TRPC4AP: variants seen among roughly 807,000 people sequenced by gnomAD.
The protein encoded by TRPC4AP is short transient receptor potential channel 4-associated protein.
Under a neutral mutation model 99.0 loss-of-function variants are expected in TRPC4AP, and 45 were observed. The observed-to-expected ratio is 0.45, with a 90% CI of 0.36 to 0.58. The LOEUF (loss-of-function observed/expected upper bound fraction) is 0.58, where lower values mean the gene tolerates loss of function less well. TRPC4AP is among the 20% of genes least tolerant of loss of function. The probability of loss-of-function intolerance (pLI) is 0.00; values close to 1 mark genes in which losing one functional copy is unlikely to be tolerated. For missense variants in TRPC4AP, 879 were observed against 985.3 expected (o/e 0.89, Z 1.44); for synonymous variants, 408 against 385.8 (o/e 1.06, Z -0.67).
In TRPC4AP at chr20:35,032,045, A is replaced by G. The variant is rs1428343562; in HGVS notation, c.1051+3078T>C. Among the ~76,000 whole-genome samples the G allele has an allele frequency of 2.0e-5, 3 of 152,146 alleles. No individual in the cohort carries two copies. The East Asian group carries it at 5.8e-4, about 29-fold the overall frequency. On this transcript the variant is annotated intron_variant, in intron 8 of 18. Transcript: ENST00000252015. ...GCTGGGATTCCAGGTGTGCACCACC[A>G]TGGCCATCTAGCTTTTGTATTTTTA...
rs751548252 is a variant in TRPC4AP, at chr20:35,007,537, C to T, written c.1686+13G>A. The T allele has an allele frequency of 6.2e-7, 1 of 1,613,142 alleles. No individual in the cohort carries two copies. On this transcript the variant is annotated intron_variant, in intron 14 of 18. Transcript: ENST00000252015. The stretch of plus-strand genomic sequence containing the variant: ...GAGACGGAACCCAAGACACTGGCTG[C>T]TCCAGATCATACCTCCAAGAGGCCT...
intron 9 of TRPC4AP, among the ~76,000 whole-genome samples, chr20:35,017,733 C>T (rs2082787431): frequency 6.6e-6 from 1 of 152,168 alleles, no homozygotes; most frequent in South Asian, 2.1e-4. Context: ...CAAAGACATC[C>T]CTGGCAGCCT....
At chr20:35,070,213 A>G (rs780940591) in intron 2 of TRPC4AP, among the ~76,000 whole-genome samples, 20 of 152,198 alleles carry the variant, frequency 1.3e-4, no homozygotes, top group Admixed American at 1.0e-3. Context: ...TGACAGATAA[A>G]TGATTCTTGT....
intron 6 of TRPC4AP, among the ~76,000 whole-genome samples, chr20:35,045,331 G>A (rs1017268630): frequency 1.3e-5 from 2 of 152,094 alleles, no homozygotes; most frequent in African/African-American, 4.8e-5. Flanking sequence ...GATACAAGCA[G>A]CTGATTCAAT....
chr20:35,084,264 G>A (rs1277905362), intron 1 of TRPC4AP, among the ~76,000 whole-genome samples: 1 of 148,546 alleles, frequency 6.7e-6, no homozygotes, highest in African/African-American at 2.5e-5. Flanking sequence ...GCGAGACTCC[G>A]TCCCAAAAAA....
At chr20:35,052,441 GCTACAAA>G (rs1272747045) in intron 5 of TRPC4AP, among the ~76,000 whole-genome samples, 3 of 152,048 alleles carry the variant, frequency 2.0e-5, no homozygotes, top group African/African-American at 7.2e-5. Flanking sequence ...TAAATGAGGA[GCTACAAA>G]CTAGCATCCA....
chr20:35,075,067 C>G (rs2084435158), intron 2 of TRPC4AP, among the ~76,000 whole-genome samples: 1 of 148,198 alleles, frequency 6.7e-6, no homozygotes, highest in Non-Finnish European at 1.5e-5. Flanking sequence ...TTATCAGAGA[C>G]TAGGATTGCA....
intron 3 of TRPC4AP, among the ~76,000 whole-genome samples, chr20:35,065,600 C>T (rs1003663970): frequency 6.6e-6 from 1 of 152,178 alleles, no homozygotes; most frequent in Non-Finnish European, 1.5e-5. Flanking sequence ...AGTTCACTAA[C>T]AAATGCACCC....
At chr20:35,092,419 C>G (rs1025168835) in intron 1 of TRPC4AP, among the ~76,000 whole-genome samples, 195 bp downstream of exon 1, 1 of 152,228 alleles carries the variant, frequency 6.6e-6, no homozygotes, top group Non-Finnish European at 1.5e-5. Context: ...CGGCCCCTGA[C>G]AAGGGACATC....
At chr20:35,015,068 T>C (rs1255020634) in intron 10 of TRPC4AP, among the ~76,000 whole-genome samples, 6 of 152,142 alleles carry the variant, frequency 3.9e-5, no homozygotes, top group African/African-American at 1.4e-4. Flanking sequence ...GGCTTGATCT[T>C]AGTTCACTGC....
intron 3 of TRPC4AP, among the ~76,000 whole-genome samples, chr20:35,058,554 T>C (rs993448416): frequency 2.6e-5 from 4 of 151,982 alleles, no homozygotes; most frequent in Admixed American, 6.6e-5. Flanking sequence ...TAAATAATAA[T>C]GGGCCAAAGA....
At chr20:35,025,055 C>A (rs892471220) in intron 8 of TRPC4AP, among the ~76,000 whole-genome samples, 1 of 152,056 alleles carries the variant, frequency 6.6e-6, no homozygotes, top group African/African-American at 2.4e-5. Flanking sequence ...CTGCTAGACT[C>A]TTTTCTAAAG....
chr20:35,092,804 A>G lies in TRPC4AP; in HGVS notation c.-23T>C, dbSNP rs777427427. 47 of 1,500,812 alleles carry G rather than the reference A, an allele frequency of 3.1e-5. No homozygotes were observed. The South Asian group carries it at 5.8e-4, about 18-fold the overall frequency. The allele number at this position is 1,500,812 out of a possible 1,614,324, so 93.0% of individuals were successfully genotyped here. The stretch of plus-strand genomic sequence containing the variant: ...CATGTCTCCTCGTCGGACAAACAGG[A>G]AGCAAGCGGCCTCGGGGCCGCGGAG... On this transcript the variant is annotated 5_prime_UTR_variant, in exon 1 of 19. Coordinates refer to ENST00000252015, the MANE Select transcript of TRPC4AP (RefSeq NM_015638.3).
intron 1 of TRPC4AP, among the ~76,000 whole-genome samples, chr20:35,089,040 CTT>C (rs33911641): frequency 2.7e-5 from 4 of 147,608 alleles, no homozygotes; most frequent in African/African-American, 1.0e-4. Flanking sequence ...AACTATACAC[CTT>C]TTTTTTTTAA....
rs569467173 is a variant in TRPC4AP, at chr20:35,003,926, C to T, written c.2050-310G>A. The stretch of plus-strand genomic sequence containing the variant: ...GGTCCGTCCCAGGCAGGGCTGGGTG[C>T]GTGTGTTGGGGCGGTTATCCCGCTT... On this transcript the variant is annotated intron_variant, in intron 17 of 18. Transcript: ENST00000252015. Among the ~76,000 whole-genome samples the T allele has an allele frequency of 1.2e-3, 188 of 152,310 alleles. 1 individual carries two copies. The highest frequency in any genetic ancestry group is 4.3e-3 in the African/African-American group (180 of 41,564).
At position 35,006,087 on chromosome 20, in the gene TRPC4AP, G is replaced by A. The variant is rs150768023; in HGVS notation, c.1828-284C>T. 1.2e-4 allele frequency among the ~76,000 whole-genome samples: 19 copies of A among 152,260 alleles called. No individual in the cohort carries two copies. The South Asian group carries it at 3.1e-3, about 25-fold the overall frequency. ...CTTTTAATTTTACTTCAGCTAGCCT[G>A]AGCTGGGTTTCTGTCACACACACTC... On this transcript the variant is annotated intron_variant, in intron 15 of 18. Transcript: ENST00000252015.
chr20:35,015,173 GTA>G (rs1326960269), intron 10 of TRPC4AP, among the ~76,000 whole-genome samples: 1 of 152,014 alleles, frequency 6.6e-6, no homozygotes, highest in Admixed American at 6.6e-5. Flanking sequence ...GCTAATTTTT[GTA>G]TTTTTAGTAG....
intron 3 of TRPC4AP, among the ~76,000 whole-genome samples, chr20:35,063,553 T>C (rs891338474): frequency 6.6e-6 from 1 of 152,198 alleles, no homozygotes; most frequent in African/African-American, 2.4e-5. Context: ...ATGTAAATTA[T>C]ATTTCAATAA....
At chr20:35,023,357 A>G (rs2082939823) in intron 8 of TRPC4AP, among the ~76,000 whole-genome samples, 1 of 152,218 alleles carries the variant, frequency 6.6e-6, no homozygotes, top group Non-Finnish European at 1.5e-5. Context: ...TGCCTGGAAC[A>G]TAGCCCCAAG....
Sources: gnomAD v4.1 joint callset for allele counts (sites outside exome capture counted in the v4.1 genomes callset) on GRCh38, gnomAD v4.1.1 for gene constraint, MANE v1.5 for transcripts, NCBI Gene and HGNC (gene_info 2026-07-23, HGNC 2026-07-21) for gene names.